ARHGAP42: variants seen among roughly 807,000 people sequenced by gnomAD.
ARHGAP42 encodes rho GTPase-activating protein 42.
Under a neutral mutation model 125.0 loss-of-function variants are expected in ARHGAP42, and 63 were observed. The observed-to-expected ratio is 0.50, with a 90% CI of 0.41 to 0.62. ARHGAP42 has a LOEUF of 0.62. Ranked by LOEUF, ARHGAP42 falls within the 20% of genes least tolerant of loss-of-function variation. The pLI, the probability that ARHGAP42 is intolerant of heterozygous loss-of-function variation, is 0.00. For missense variants in ARHGAP42, 766 were observed against 1,024.2 expected, an observed-to-expected ratio of 0.75 and a Z score of 3.44; for synonymous variants, 339 against 351.0, an observed-to-expected ratio of 0.97 and a Z score of 0.38.
intron 1 of ARHGAP42, among the ~76,000 whole-genome samples, chr11:100,733,750 A>G (rs1862002183): frequency 7.0e-6 from 1 of 143,318 alleles, no homozygotes; most frequent in South Asian, 2.4e-4. Flanking sequence ...TCCTAAACCC[A>G]GGAAGCAGAG....
intron 3 of ARHGAP42, among the ~76,000 whole-genome samples, chr11:100,845,288 G>A (rs1303566072): frequency 6.6e-6 from 1 of 152,076 alleles, no homozygotes; most frequent in Non-Finnish European, 1.5e-5. Context: ...TCATAATTGG[G>A]AGCTAAGCTA....
At chr11:100,913,957 T>A (rs1220187523) in intron 5 of ARHGAP42, among the ~76,000 whole-genome samples, 2 of 152,058 alleles carry the variant, frequency 1.3e-5, no homozygotes, top group African/African-American at 4.8e-5. Context: ...ATTTTTGAGA[T>A]GGAGTTTGGC....
At chr11:100,952,733 G>GTTTTTTTTTT (rs1857696882) in intron 12 of ARHGAP42, among the ~76,000 whole-genome samples, 10 of 21,304 alleles carry the variant, frequency 4.7e-4, no homozygotes, top group Non-Finnish European at 6.3e-4. Flanking sequence ...CCTAAGTCAG[G>GTTTTTTTTTT]CTTTTTTTTT....
intron 2 of ARHGAP42, among the ~76,000 whole-genome samples, chr11:100,778,519 C>T (rs1863186669): frequency 6.6e-6 from 1 of 151,848 alleles, no homozygotes; most frequent in East Asian, 1.9e-4. Context: ...GCATATTTTA[C>T]TTTTTAATAG....
intron 2 of ARHGAP42, 25 bp downstream of exon 2, chr11:100,770,463 TC>T (rs1862945631): frequency 7.0e-7 from 1 of 1,429,188 alleles, no homozygotes; most frequent in East Asian, 2.5e-5. Flanking sequence ...TTTAGAAAGT[TC>T]TATTACTAAT....
chr11:100,906,049 G>T (rs973649924), intron 4 of ARHGAP42, among the ~76,000 whole-genome samples: 6 of 152,186 alleles, frequency 3.9e-5, no homozygotes, highest in African/African-American at 1.4e-4. Context: ...TTAGCTGGTT[G>T]CTTTAAAGTT....
intron 1 of ARHGAP42, among the ~76,000 whole-genome samples, chr11:100,756,678 A>G (rs1035616791): frequency 1.3e-5 from 2 of 152,234 alleles, no homozygotes; most frequent in African/African-American, 2.4e-5. Flanking sequence ...GTAAGATGAT[A>G]ATTAGAGATA....
intron 4 of ARHGAP42, among the ~76,000 whole-genome samples, chr11:100,904,286 C>G (rs548506879): frequency 1.3e-5 from 2 of 151,522 alleles, no homozygotes; most frequent in South Asian, 4.2e-4. Context: ...CTCTGTCGCC[C>G]AGGCTGAAGT....
intron 10 of ARHGAP42, among the ~76,000 whole-genome samples, chr11:100,944,549 C>T (rs763640579): frequency 7.2e-5 from 11 of 151,876 alleles, no homozygotes; most frequent in East Asian, 1.9e-4. Context: ...TATATATGCT[C>T]ATAAACTACA....
At chr11:100,722,354 C>G (rs1861774250) in intron 1 of ARHGAP42, among the ~76,000 whole-genome samples, 1 of 150,290 alleles carries the variant, frequency 6.7e-6, no homozygotes, top group Non-Finnish European at 1.5e-5. Flanking sequence ...AGTCCTTCAT[C>G]AGATATGTGT....
chr11:100,706,221 G>A (rs4754695), intron 1 of ARHGAP42, among the ~76,000 whole-genome samples: 79,244 of 151,982 alleles, frequency 0.52, 21,532 homozygotes, highest in African/African-American at 0.69. Flanking sequence ...ATTGTATCTT[G>A]TCTGGATGAT....
intron 1 of ARHGAP42, among the ~76,000 whole-genome samples, chr11:100,706,007 G>A (rs1475895901): frequency 7.5e-6 from 1 of 132,990 alleles, no homozygotes; most frequent in East Asian, 2.1e-4. Context: ...TTGAGATGGA[G>A]TCTTGCTCTG....
intron 3 of ARHGAP42, among the ~76,000 whole-genome samples, chr11:100,795,511 A>G (rs1328119916): frequency 1.3e-5 from 2 of 152,196 alleles, no homozygotes; most frequent in African/African-American, 2.4e-5. Flanking sequence ...TATAATACAA[A>G]CATGTTTCAA....
rs1565236994 is a variant in ARHGAP42, at chr11:100,840,921, ATCT to A, written c.313-18628_313-18626del. 3.9e-5 allele frequency among the ~76,000 whole-genome samples: 6 copies of A among 152,270 alleles called. No individual in the cohort carries two copies. The South Asian group carries it at 1.2e-3, about 32-fold the overall frequency. On this transcript the variant is annotated intron_variant, in intron 3 of 23. Transcript: ENST00000298815. Reference sequence around the variant, plus strand: ...CTGCTATTAAACAATTGTAAATTTTATCTTCTTTGGGCTTCAGTCTCCTTACTC... The same window carrying A: ...CTGCTATTAAACAATTGTAAATTTTATCTTTGGGCTTCAGTCTCCTTACTC...
In ARHGAP42 at chr11:100,687,807, C is replaced by G. The variant is rs779644623; in HGVS notation, c.129C>G (p.Gly43=). 77 of 1,550,552 alleles carry G rather than the reference C, an allele frequency of 5.0e-5. No individual in the cohort carries two copies. Among genetic ancestry groups the G allele is most frequent in the Admixed American group, 5.9e-5 (3 of 50,932 alleles). ...NKFIKELIKD[G]SLLIGALRNL... ...TCATCAAGGAGCTCATTAAGGACGGCTCTCTGCTCATTGGGGCGTTGAGGA... is the reference window on the plus strand; with the variant it reads ...TCATCAAGGAGCTCATTAAGGACGGGTCTCTGCTCATTGGGGCGTTGAGGA... Residue 43 remains glycine (G), a synonymous_variant, in exon 1 of 24, where the codon GGC becomes GGG. Transcript: ENST00000298815.
chr11:100,704,148 T>C lies in ARHGAP42; in HGVS notation c.154+16316T>C, dbSNP rs983498266. On this transcript the variant is annotated intron_variant, in intron 1 of 23. Transcript: ENST00000298815. ...CATTGAATTGAGCCTTTTAGCTAGT[T>C]GATCCAGGAAAGGTGGTACAGTTAA... Among the ~76,000 whole-genome samples the C allele has an allele frequency of 2.0e-5, 3 of 152,328 alleles. No individual in the cohort carries two copies. The South Asian group carries it at 6.2e-4, about 32-fold the overall frequency.
At chr11:100,977,956 T>C (rs1858433881) in intron 21 of ARHGAP42, among the ~76,000 whole-genome samples, 1 of 152,230 alleles carries the variant, frequency 6.6e-6, no homozygotes, top group South Asian at 2.1e-4. Flanking sequence ...TTCATCCTTT[T>C]CTCTGACAGG....
intron 1 of ARHGAP42, among the ~76,000 whole-genome samples, chr11:100,712,210 C>T (rs2298611): frequency 0.23 from 35,541 of 152,004 alleles, 4,357 homozygotes; most frequent in Non-Finnish European, 0.26. Context: ...CCTTTGAGTT[C>T]GCTGCAGTAT....
In ARHGAP42 at chr11:100,859,538, G is replaced by C; in HGVS notation, c.313-16G>C. 6.5e-7 allele frequency: 1 copy of C among 1,527,236 alleles called. No homozygotes were observed. Among genetic ancestry groups the C allele is most frequent in the Non-Finnish European group, 8.8e-7 (1 of 1,137,934 alleles). The allele number at this position is 1,527,236 out of a possible 1,614,324, so 94.6% of individuals were successfully genotyped here. A position where few individuals can be genotyped will look rare whatever the true frequency, so the allele number is the denominator to read the frequency against. ...AAATTATGCAAGATTTAATATATGT[G>C]CATTTTTTATTTCAGATCCAAAACG... On this transcript the variant is annotated splice_polypyrimidine_tract_variant and intron_variant, in intron 3 of 23. Coordinates refer to ENST00000298815, the MANE Select transcript of ARHGAP42 (RefSeq NM_152432.4).
Sources: gnomAD v4.1 joint callset for allele counts (sites outside exome capture counted in the v4.1 genomes callset) on GRCh38, gnomAD v4.1.1 for gene constraint, MANE v1.5 for transcripts, NCBI Gene and HGNC (gene_info 2026-07-23, HGNC 2026-07-21) for gene names.